The following OCIAD1 variants were observed in gnomAD, a reference collection of about 807,000 sequenced individuals.
The protein encoded by OCIAD1 is OCIA domain-containing protein 1.
A neutral mutation model predicts 38.9 loss-of-function variants in OCIAD1; 29 were observed. The observed-to-expected ratio is 0.74, with a 90% confidence interval of 0.55 to 1.02. The LOEUF (loss-of-function observed/expected upper bound fraction) is 1.02. OCIAD1 is among the 50% of genes least tolerant of loss of function. The probability of loss-of-function intolerance (pLI) is 0.00; values close to 1 mark genes in which losing one functional copy is unlikely to be tolerated. For synonymous variants in OCIAD1, 110 were observed against 92.0 expected (o/e 1.20, Z -1.12); for missense variants, 288 against 289.6 (o/e 0.99, Z 0.04).
chr4:48,828,549 C>T (rs1360934684), upstream of OCIAD1, among the ~76,000 whole-genome samples: 1 of 152,194 alleles, frequency 6.6e-6, no homozygotes, highest in African/African-American at 2.4e-5. Flanking sequence ...TGAGCTGTAA[C>T]ACTCACTGTG....
intron 8 of OCIAD1, among the ~76,000 whole-genome samples, chr4:48,859,682 C>G (rs1001166279): frequency 6.6e-5 from 10 of 152,002 alleles, no homozygotes; most frequent in African/African-American, 2.2e-4. Context: ...AAAGAAAAGA[C>G]TTGTTATGAA....
At chr4:48,858,239 G>C (rs1431510005) in intron 8 of OCIAD1, among the ~76,000 whole-genome samples, 1 of 152,102 alleles carries the variant, frequency 6.6e-6, no homozygotes, top group African/African-American at 2.4e-5. Flanking sequence ...ACACAGGGTA[G>C]AGACATACTC....
intron 1 of OCIAD1, among the ~76,000 whole-genome samples, chr4:48,813,605 G>T (rs1211618248): frequency 6.6e-6 from 1 of 152,196 alleles, no homozygotes; most frequent in Non-Finnish European, 1.5e-5. Flanking sequence ...AGTGAACTGG[G>T]GATCAGATCC....
At chr4:48,849,024 T>G (rs1012970595) in intron 5 of OCIAD1, among the ~76,000 whole-genome samples, 3 of 152,130 alleles carry the variant, frequency 2.0e-5, no homozygotes, top group African/African-American at 7.2e-5. Flanking sequence ...GAACCATTAT[T>G]ATCAGCAAAC....
At chr4:48,851,683 TAAAA>T (rs1156432425) in intron 6 of OCIAD1, 119 bp from the exon 7 acceptor site, 5 of 482,430 alleles carry the variant, frequency 1.0e-5, no homozygotes, top group East Asian at 3.4e-5. Flanking sequence ...CTCAAAAAAA[TAAAA>T]AAAATTATAT....
chr4:48,826,863 C>T (rs903554152), upstream of OCIAD1, among the ~76,000 whole-genome samples: 3 of 152,192 alleles, frequency 2.0e-5, no homozygotes, highest in African/African-American at 7.2e-5. Context: ...TCACTCTTTT[C>T]TCAACCCATT....
At chr4:48,828,366 C>A (rs1777272712), upstream of OCIAD1, among the ~76,000 whole-genome samples, 1 of 152,174 alleles carries the variant, frequency 6.6e-6, no homozygotes, top group Non-Finnish European at 1.5e-5. Flanking sequence ...ACTCTCTGTA[C>A]AATGGACCAA....
intron 1 of OCIAD1, among the ~76,000 whole-genome samples, chr4:48,818,245 G>T (rs1466774765): frequency 6.6e-6 from 1 of 152,202 alleles, no homozygotes; most frequent in Admixed American, 6.5e-5. Flanking sequence ...AATCTTTGTT[G>T]TTCTGCAGGC....
In OCIAD1 at chr4:48,848,284, G is replaced by A. The variant is rs114679580; in HGVS notation, c.194-115G>A. On this transcript the variant is annotated intron_variant, in intron 4 of 8. Transcript: ENST00000264312. ...TGGTTTTCCCTATTAAACAGTCTAG[G>A]GTTCTGTAGGATCATGGAAGGAGCT... 3,820 of 552,238 alleles carry A rather than the reference G, an allele frequency of 6.9e-3. 22 individuals are homozygous for A. Among genetic ancestry groups the A allele is most frequent in the Non-Finnish European group, 9.0e-3 (2,802 of 310,210 alleles). 34.2% of individuals were successfully genotyped at this position (552,238 alleles called of 1,614,324 possible).
chr4:48,824,226 C>T (rs1175087279), intron 1 of OCIAD1, among the ~76,000 whole-genome samples: 2 of 152,100 alleles, frequency 1.3e-5, no homozygotes, highest in African/African-American at 4.8e-5. Context: ...AAGCAATCCA[C>T]CTGCCTTGGC....
chr4:48,843,180 A>G (rs1206933650), intron 4 of OCIAD1, among the ~76,000 whole-genome samples: 1 of 152,206 alleles, frequency 6.6e-6, no homozygotes, highest in Non-Finnish European at 1.5e-5. Flanking sequence ...CAGGTGATCT[A>G]TTTTTAACGA....
chr4:48,848,214 A>G (rs116393491), intron 4 of OCIAD1, among the ~76,000 whole-genome samples, 185 bp from the exon 5 acceptor site: 2,642 of 152,162 alleles, frequency 0.017, 76 homozygotes, highest in African/African-American at 0.06. Context: ...TACTTTGTAG[A>G]GTCTTTTGGA....
chr4:48,853,705 T>C (rs2109604643), intron 7 of OCIAD1, among the ~76,000 whole-genome samples: 1 of 152,330 alleles, frequency 6.6e-6, no homozygotes, highest in East Asian at 1.9e-4. Flanking sequence ...CTCAATTGCT[T>C]TGGTAGCATT....
intron 8 of OCIAD1, among the ~76,000 whole-genome samples, chr4:48,860,463 T>C (rs1780502332): frequency 6.6e-6 from 1 of 152,102 alleles, no homozygotes; most frequent in Non-Finnish European, 1.5e-5. Context: ...CTAATCTTTT[T>C]TCTCACCATT....
Position 48,861,093 on chromosome 4 carries a change from T to A in OCIAD1, c.*331T>A, listed in dbSNP as rs577123996. 3 of 226,490 alleles carry A rather than the reference T, an allele frequency of 1.3e-5. No individual in the cohort carries two copies. Among genetic ancestry groups the A allele is most frequent in the South Asian group, 1.6e-4 (1 of 6,302 alleles). The allele number at this position is 226,490 out of a possible 1,614,324, so 14.0% of individuals were successfully genotyped here. On this transcript the variant is annotated 3_prime_UTR_variant, in exon 9 of 9. Transcript: ENST00000264312. The stretch of plus-strand genomic sequence containing the variant: ...TAGAATCAGCATATAAGAAAATAAA[T>A]GATATCTGCATGTTGAATTGGGGTG...
intron 1 of OCIAD1, among the ~76,000 whole-genome samples, chr4:48,814,978 A>T (rs1326672493): frequency 6.6e-6 from 1 of 152,206 alleles, no homozygotes; most frequent in Non-Finnish European, 1.5e-5. Flanking sequence ...ATATATTAAG[A>T]TACATTCTGG....
intron 1 of OCIAD1, among the ~76,000 whole-genome samples, chr4:48,816,338 A>G (rs1777142464): frequency 6.6e-6 from 1 of 152,200 alleles, no homozygotes; most frequent in Admixed American, 6.5e-5. Flanking sequence ...TGGCAATTAA[A>G]AATACAAAAT....
In OCIAD1 at chr4:48,847,070, C is replaced by T. The variant is rs1407808507; in HGVS notation, c.194-1329C>T. Among the ~76,000 whole-genome samples, 4 of 152,032 alleles carry T rather than the reference C, an allele frequency of 2.6e-5. No individual in the cohort carries two copies. In the East Asian group the frequency reaches 7.7e-4, roughly 29 times the overall value. On this transcript the variant is annotated intron_variant, in intron 4 of 8. Transcript: ENST00000264312. ...GTAGATATTACCAAACTATTTAGAC[C>T]AATGTATACTCCTACATTCTCACCA...
chr4:48,848,707 G>C (rs1428547786), intron 5 of OCIAD1: 4 of 242,096 alleles, frequency 1.7e-5, no homozygotes, highest in Non-Finnish European at 3.1e-5. Context: ...TAAGGATAAA[G>C]TATTTGAAAA....
Sources: gnomAD v4.1 joint callset for allele counts (sites outside exome capture counted in the v4.1 genomes callset) on GRCh38, gnomAD v4.1.1 for gene constraint, MANE v1.5 for transcripts, NCBI Gene and HGNC (gene_info 2026-07-23, HGNC 2026-07-21) for gene names.